Variants in MXRA8 observed in about 807,000 individuals in gnomAD.
The protein encoded by MXRA8 is matrix remodeling-associated protein 8.
MXRA8 carries 44 observed loss-of-function variants against 51.4 expected under a neutral mutation model. The observed-to-expected ratio is 0.86, with a 90% CI of 0.67 to 1.10. MXRA8 has a LOEUF of 1.10. MXRA8 is among the 50% of genes least tolerant of loss of function. The pLI is 0.00. For synonymous variants in MXRA8, 369 were observed against 293.5 expected (o/e 1.26, Z -2.63); for missense variants, 765 against 638.9 (o/e 1.20, Z -2.13).
intron 2 of MXRA8, among the ~76,000 whole-genome samples, chr1:1,356,320 TG>T (rs971386258): frequency 5.5e-4 from 15 of 27,476 alleles, no homozygotes; most frequent in Non-Finnish European, 1.1e-3. Flanking sequence ...GGGGGAGTGG[TG>T]GGCCCCGAGG....
upstream of MXRA8, chr1:1,358,568 C>A: frequency 6.3e-7 from 1 of 1,575,256 alleles, no homozygotes; most frequent in Non-Finnish European, 8.6e-7. Flanking sequence ...AAAAACAGCC[C>A]TACCCCCTCC....
upstream of MXRA8, among the ~76,000 whole-genome samples, chr1:1,359,865 G>GGCTGGCCTCGAGGCCTCT (rs1400564866): frequency 6.6e-6 from 1 of 152,112 alleles, no homozygotes; most frequent in African/African-American, 2.4e-5. Flanking sequence ...AGCCCCACCT[G>GGCTGGCCTCGAGGCCTCT]GCTGGCCTCG....
In MXRA8 at chr1:1,355,446, G is replaced by T; in HGVS notation, c.376+4C>A. ...CCCGCGGCCCCGGTCCCCGGTCCCC[G>T]CACCGCGGATGAGCAGCGAGAAGTT... On this transcript the variant is annotated splice_donor_region_variant and intron_variant, in intron 3 of 9. Transcript: ENST00000309212. 1.3e-6 allele frequency: 2 copies of T among 1,493,512 alleles called. No individual in the cohort carries two copies. Among genetic ancestry groups the T allele is most frequent in the African/African-American group, 1.4e-5 (1 of 69,152 alleles). 92.5% of individuals were successfully genotyped at this position (1,493,512 alleles called of 1,614,324 possible). A position where few individuals can be genotyped will look rare whatever the true frequency, so the allele number is the denominator to read the frequency against.
upstream of MXRA8, chr1:1,359,341 G>T: frequency 3.0e-6 from 3 of 985,426 alleles, no homozygotes; most frequent in Non-Finnish European, 3.6e-6. Context: ...GCCATGGAAG[G>T]CACAAATTTG....
rs942011440 is a variant in MXRA8, at chr1:1,355,280, C to T, written c.442G>A (p.Glu148Lys). 1.3e-6 allele frequency: 2 copies of T among 1,576,854 alleles called. No homozygotes were observed. Among genetic ancestry groups the T allele is most frequent in the Non-Finnish European group, 1.7e-6 (2 of 1,165,442 alleles). The change falls in exon 4 of 10, where the codon GAG (glutamate) becomes AAG (lysine). Residue 148 changes from glutamate (E) to lysine (K), a missense_variant. Coordinates refer to ENST00000309212, the MANE Select transcript of MXRA8 (RefSeq NM_032348.4). ...ACCTCCAGGCGGACGGCCAGGCTCT[C>T]GTAGAGGTGGCAGTAGTGATGGTGC... Reference protein sequence around the residue: ...NLHHHYCHLYESLAVRLEVTD... With the variant: ...NLHHHYCHLYKSLAVRLEVTD...
Position 1,355,542 on chromosome 1 carries a change from C to T in MXRA8, c.284G>A (p.Gly95Asp). The change falls in exon 3 of 10, where the codon GGC becomes GAC. Residue 95 changes from glycine to aspartate, a missense_variant. Physicochemically the swap from Gly to Asp is moderately conservative, Grantham distance 94 (BLOSUM62 -1). Transcript: ENST00000309212. ...ARRLLDLYSA[G>D]EQRVYEARDR... is the part of the protein sequence containing the mutation. ...CCGCGCCTCGTACACGCGCTGCTCG[C>T]CCGCCGAGTACAAGTCCAGCAGGCG... is the stretch of plus-strand genomic sequence containing the variant. 3.3e-6 allele frequency: 5 copies of T among 1,493,420 alleles called. No individual in the cohort carries two copies. The highest frequency in any genetic ancestry group is 1.3e-5 in the South Asian group (1 of 79,454). 92.5% of individuals were successfully genotyped at this position (1,493,420 alleles called of 1,614,324 possible).
chr1:1,361,525 C>T (rs1644221988), upstream of MXRA8: 3 of 544,532 alleles, frequency 5.5e-6, no homozygotes, highest in Admixed American at 3.2e-5. Flanking sequence ...GGCCTGAGGA[C>T]GCGGCTTCCA....
At chr1:1,356,802 T>C (rs1455709928) in intron 1 of MXRA8, 98 bp from the exon 2 acceptor site, 1 of 1,110,048 alleles carries the variant, frequency 9.0e-7, no homozygotes, top group Admixed American at 4.0e-5. Context: ...AGTCCCAAAG[T>C]GGATGCTGTG....
upstream of MXRA8, chr1:1,359,535 C>T: frequency 2.0e-6 from 2 of 985,300 alleles, no homozygotes; most frequent in Non-Finnish European, 2.4e-6. Flanking sequence ...TCCTTACAGG[C>T]CCCGAGGGCC....
At chr1:1,356,641 G>C (rs1644138890) in intron 2 of MXRA8, 40 bp downstream of exon 2, 5 of 1,318,192 alleles carry the variant, frequency 3.8e-6, no homozygotes. Flanking sequence ...GAGGGGCTGA[G>C]GGGGAGTGGG....
chr1:1,353,489 G>T lies in MXRA8; in HGVS notation c.*115C>A, dbSNP rs1195654692. On this transcript the variant is annotated 3_prime_UTR_variant, in exon 10 of 10. Coordinates refer to ENST00000309212, the MANE Select transcript of MXRA8 (RefSeq NM_032348.4). ...CTGCATACGCCCAGGCCAAATTCCA[G>T]GAAAGCGGGACCAGCCGCTGGAAGG... 6.6e-7 allele frequency: 1 copy of T among 1,505,484 alleles called. No homozygotes were observed. 93.3% of individuals were successfully genotyped at this position (1,505,484 alleles called of 1,614,324 possible).
Position 1,354,206 on chromosome 1 carries a change from C to CCGACTT in MXRA8, c.1126_1131dup (p.Lys376_Ser377dup). Reference sequence around the variant, plus strand: ...GGGGGCACTCACCCCTTTGACTTTCCCGACTTCTGGTCCGAGTATTCGTAG... The same window carrying CCGACTT: ...GGGGGCACTCACCCCTTTGACTTTCCCGACTTCGACTTCTGGTCCGAGTATTCGTAG... On this transcript the variant is annotated inframe_insertion, in exon 7 of 10. Transcript: ENST00000309212. 1 of 1,612,662 alleles carries CCGACTT rather than the reference C, an allele frequency of 6.2e-7. No individual in the cohort carries two copies. The highest frequency in any genetic ancestry group is 8.5e-7 in the Non-Finnish European group (1 of 1,179,966).
intron 1 of MXRA8, among the ~76,000 whole-genome samples, chr1:1,357,775 A>G (rs1382192862): frequency 1.3e-5 from 2 of 152,218 alleles, no homozygotes; most frequent in South Asian, 4.1e-4. Context: ...ACGCCACTGC[A>G]CTGCAGCCTC....
upstream of MXRA8, chr1:1,359,228 G>T: frequency 8.1e-6 from 8 of 985,390 alleles, no homozygotes; most frequent in Non-Finnish European, 8.4e-6. Flanking sequence ...CTCCCTGCTG[G>T]CCCCGTCCCC....
chr1:1,360,087 G>A (rs1644202101), upstream of MXRA8, among the ~76,000 whole-genome samples: 1 of 152,214 alleles, frequency 6.6e-6, no homozygotes, highest in African/African-American at 2.4e-5. Context: ...CCTCGGGTCT[G>A]GGAGGGCCCG....
chr1:1,363,099 G>C (rs1299599858), upstream of MXRA8, among the ~76,000 whole-genome samples: 1 of 151,130 alleles, frequency 6.6e-6, no homozygotes, highest in Non-Finnish European at 1.5e-5. Context: ...AAAAAAGAAA[G>C]GAGTGAAACC....
In MXRA8 at chr1:1,354,105, T is replaced by C. The variant is rs1349954776; in HGVS notation, c.1147A>G (p.Lys383Glu). The change falls in exon 8 of 10, where the codon AAG (lysine) becomes GAG (glutamate). Residue 383 changes from lysine (K) to glutamate (E), a missense_variant and splice_region_variant. Lys to Glu is a moderately conservative substitution (Grantham distance 56). Coordinates refer to ENST00000309212, the MANE Select transcript of MXRA8 (RefSeq NM_032348.4). Reference sequence around the variant, plus strand: ...GCGAACTCCGCCAAGTTAACATCCTTCCTGGATGGCGAGGGTGGGAGGAGG... The same window carrying C: ...GCGAACTCCGCCAAGTTAACATCCTCCCTGGATGGCGAGGGTGGGAGGAGG... ...SDQKSGKSKG[K>E]DVNLAEFAVA... 3 of 1,612,728 alleles carry C rather than the reference T, an allele frequency of 1.9e-6. No homozygotes were observed. The highest frequency in any genetic ancestry group is 2.7e-5 in the African/African-American group (2 of 74,922).
chr1:1,363,129 A>C (rs1288485885), upstream of MXRA8, among the ~76,000 whole-genome samples: 1 of 152,118 alleles, frequency 6.6e-6, no homozygotes, highest in Non-Finnish European at 1.5e-5. Flanking sequence ...CTAAAAATAC[A>C]AAAATTATCC....
Position 1,354,664 on chromosome 1 carries a change from C to T in MXRA8, c.949+18G>A, listed in dbSNP as rs548346198. 1.7e-4 allele frequency: 268 copies of T among 1,553,246 alleles called. 1 individual carries two copies. The South Asian group carries it at 3.0e-3, about 17-fold the overall frequency. ...GGTGGGCTCCCGCCTTCCCGGGTCC[C>T]AGGGAGGCCTCCTTCACCTGGGCCT... is the stretch of plus-strand genomic sequence containing the variant. On this transcript the variant is annotated intron_variant, in intron 5 of 9. Coordinates refer to ENST00000309212, the MANE Select transcript of MXRA8 (RefSeq NM_032348.4).
Sources: gnomAD v4.1 joint callset for allele counts (sites outside exome capture counted in the v4.1 genomes callset) on GRCh38, gnomAD v4.1.1 for gene constraint, MANE v1.5 for transcripts, NCBI Gene and HGNC (gene_info 2026-07-23, HGNC 2026-07-21) for gene names.